MECR: variants seen among roughly 807,000 people sequenced by gnomAD.
MECR encodes the protein mitochondrial trans-2-enoyl-CoA reductase.
MECR carries 37 observed loss-of-function variants against 49.1 expected under a neutral mutation model. The ratio of observed to expected loss-of-function variants is 0.75; its 90% CI spans 0.58 to 0.99. The LOEUF is 0.99. Ranked by LOEUF, MECR falls within the 50% of genes least tolerant of loss-of-function variation. The probability of loss-of-function intolerance (pLI) is 0.00; values close to 1 mark genes in which losing one functional copy is unlikely to be tolerated. For synonymous variants in MECR, 198 were observed against 191.1 expected, an observed-to-expected ratio of 1.04 and a Z score of -0.30; for missense variants, 470 against 479.6, an observed-to-expected ratio of 0.98 and a Z score of 0.19.
At chr1:29,168,884 G>A in the MECR span, 1 of 152,202 alleles carries the variant, frequency 6.6e-6, no homozygotes, top group Admixed American at 6.5e-5. Context: ...AGCGTGAATG[G>A]TAGGAGGGAA....
the MECR span, among the ~76,000 whole-genome samples, chr1:29,178,729 G>C: frequency 6.6e-6 from 1 of 152,154 alleles, no homozygotes; most frequent in African/African-American, 2.4e-5. Context: ...CCTTCTGCTA[G>C]GGGACTATAA....
At chr1:29,181,426 C>A in the MECR span, among the ~76,000 whole-genome samples, 5 of 152,174 alleles carry the variant, frequency 3.3e-5, no homozygotes, top group Non-Finnish European at 7.3e-5. Context: ...CCACTCAGGG[C>A]CTCAGCACAG....
chr1:29,175,933 T>C, the MECR span, among the ~76,000 whole-genome samples: 1 of 151,988 alleles, frequency 6.6e-6, no homozygotes. Flanking sequence ...TGGGATGCTA[T>C]TTCTGAGGCT....
Position 29,221,510 on chromosome 1 carries a change from C to T in MECR, c.177-4825G>A, listed in dbSNP as rs543971751. Among the ~76,000 whole-genome samples the T allele has an allele frequency of 5.4e-4, 82 of 152,294 alleles. 1 individual carries two copies. Among genetic ancestry groups the T allele is most frequent in the Non-Finnish European group, 1.0e-3 (70 of 68,028 alleles). On this transcript the variant is annotated intron_variant, in intron 1 of 9. Coordinates refer to ENST00000263702, the MANE Select transcript of MECR (RefSeq NM_016011.5). Reference sequence around the variant, plus strand: ...TAGACCAGGCAACAGGTGTAATCTGCATAAGAGCCAGGAGAATGGAGAGGA... The same window carrying T: ...TAGACCAGGCAACAGGTGTAATCTGTATAAGAGCCAGGAGAATGGAGAGGA...
At chr1:29,220,902 AC>A (rs1395159492) in intron 1 of MECR, 1 of 985,256 alleles carries the variant, frequency 1.0e-6, no homozygotes, top group Non-Finnish European at 1.2e-6. Flanking sequence ...AACCTCTGGA[AC>A]AATTCCCTGG....
chr1:29,194,620 TC>T (rs1486962148), intron 9 of MECR, among the ~76,000 whole-genome samples: 1 of 152,072 alleles, frequency 6.6e-6, no homozygotes, highest in Non-Finnish European at 1.5e-5. Context: ...AATGGAGCTC[TC>T]CCTGAGAGCC....
At chr1:29,220,619 C>A (rs1680546047) in intron 1 of MECR, 1 of 152,152 alleles carries the variant, frequency 6.6e-6, no homozygotes, top group Non-Finnish European at 1.5e-5. Context: ...ATCTAGATGA[C>A]CGTGGTCAAG....
chr1:29,207,952 C>T (rs1677021501), intron 3 of MECR, among the ~76,000 whole-genome samples: 1 of 151,920 alleles, frequency 6.6e-6, no homozygotes, highest in South Asian at 2.1e-4. Flanking sequence ...CCCCTTTTTC[C>T]TACACAGTCC....
At chr1:29,216,823 A>G in intron 1 of MECR, 138 bp from the exon 2 acceptor site, 1 of 1,505,354 alleles carries the variant, frequency 6.6e-7, no homozygotes, top group East Asian at 2.4e-5. Context: ...CTGTTATAAA[A>G]GAGAGGTACC....
downstream of MECR, among the ~76,000 whole-genome samples, chr1:29,188,831 G>A (rs543093601): frequency 2.1e-4 from 32 of 152,074 alleles, no homozygotes; most frequent in South Asian, 6.6e-3. Flanking sequence ...ATAGAGATGG[G>A]GTTTCACCAT....
intron 2 of MECR, 83 bp downstream of exon 2, chr1:29,216,505 C>T (rs1333314255): frequency 1.5e-5 from 21 of 1,374,988 alleles, no homozygotes; most frequent in Non-Finnish European, 1.9e-5. Context: ...AGGCATTTCA[C>T]ACCCACACCT....
intron 1 of MECR, among the ~76,000 whole-genome samples, chr1:29,227,628 G>C (rs1053466348): frequency 6.6e-6 from 1 of 152,142 alleles, no homozygotes. Context: ...TTGCAGAGGT[G>C]TGGCCCACAG....
chr1:29,169,075 A>ATAAT, the MECR span: 1 of 152,254 alleles, frequency 6.6e-6, no homozygotes, highest in Admixed American at 6.5e-5. Flanking sequence ...TTTCTTTGTA[A>ATAAT]TAATTACTAC....
downstream of MECR, among the ~76,000 whole-genome samples, chr1:29,188,242 T>G (rs762826185): frequency 6.6e-6 from 1 of 151,738 alleles, no homozygotes; most frequent in Non-Finnish European, 1.5e-5. Flanking sequence ...CAGGCTGGAA[T>G]GCAGTGGTGC....
At chr1:29,204,460 T>G (rs370183109) in intron 4 of MECR, among the ~76,000 whole-genome samples, 13 of 152,258 alleles carry the variant, frequency 8.5e-5, no homozygotes, top group African/African-American at 3.1e-4. Context: ...AAGCACCTTT[T>G]TTTTTTAAAG....
chr1:29,176,330 T>C, the MECR span, among the ~76,000 whole-genome samples: 1 of 152,094 alleles, frequency 6.6e-6, no homozygotes, highest in Non-Finnish European at 1.5e-5. Flanking sequence ...TGCTTTTTCT[T>C]TTGTCACTCA....
At chr1:29,226,659 C>G (rs545954062) in intron 1 of MECR, among the ~76,000 whole-genome samples, 2 of 152,096 alleles carry the variant, frequency 1.3e-5, no homozygotes, top group South Asian at 2.1e-4. Context: ...ATATCAAGGA[C>G]TTTTAATAAA....
the MECR span, among the ~76,000 whole-genome samples, chr1:29,182,352 T>TA: frequency 1.3e-5 from 2 of 152,144 alleles, no homozygotes; most frequent in Non-Finnish European, 2.9e-5. Context: ...CTTCCAGAGT[T>TA]GTCTTGAGAA....
At chr1:29,172,185 C>G in the MECR span, 1 of 152,110 alleles carries the variant, frequency 6.6e-6, no homozygotes, top group Non-Finnish European at 1.5e-5. Context: ...AGTTATATTA[C>G]TAATAAAACA....
Sources: gnomAD v4.1 joint callset for allele counts (sites outside exome capture counted in the v4.1 genomes callset) on GRCh38, gnomAD v4.1.1 for gene constraint, MANE v1.5 for transcripts, NCBI Gene and HGNC (gene_info 2026-07-23, HGNC 2026-07-21) for gene names.